The following CSMD1 variants were observed in gnomAD, a reference collection of about 807,000 sequenced individuals.
CSMD1 encodes the protein CUB and Sushi multiple domains 1.
A neutral mutation model predicts 417.5 loss-of-function variants in CSMD1; 213 were observed. The ratio of observed to expected loss-of-function variants is 0.51; its 90% CI spans 0.46 to 0.57. The LOEUF (loss-of-function observed/expected upper bound fraction) is 0.57, where lower values mean the gene tolerates loss of function less well. Ranked by LOEUF, CSMD1 falls within the 20% of genes least tolerant of loss-of-function variation. CSMD1 has a pLI of 0.00. For synonymous variants in CSMD1, 2,862 were observed against 1,736.8 expected, an observed-to-expected ratio of 1.65 and a Z score of -16.11; for missense variants, 6,923 against 4,529.7, an observed-to-expected ratio of 1.53 and a Z score of -15.17.
chr8:4,307,610 T>C (rs1434564303), intron 3 of CSMD1, among the ~76,000 whole-genome samples: 2 of 152,150 alleles, frequency 1.3e-5, no homozygotes, highest in African/African-American at 2.4e-5. Flanking sequence ...ACCCAACTTG[T>C]GAAATAAGCA....
chr8:3,735,727 G>C (rs1291429240), intron 6 of CSMD1, among the ~76,000 whole-genome samples: 1 of 152,154 alleles, frequency 6.6e-6, no homozygotes, highest in South Asian at 2.1e-4. Context: ...AACTCGTTTG[G>C]AGCAAGGCCT....
intron 50 of CSMD1, among the ~76,000 whole-genome samples, chr8:3,037,475 C>A (rs936060658): frequency 1.3e-5 from 2 of 152,064 alleles, no homozygotes; most frequent in African/African-American, 4.8e-5. Context: ...CCCTATACCG[C>A]ACTTTCTTTA....
intron 52 of CSMD1, among the ~76,000 whole-genome samples, chr8:3,009,261 C>T (rs548653818): frequency 5.3e-5 from 8 of 152,222 alleles, no homozygotes; most frequent in Non-Finnish European, 8.8e-5. Context: ...AATATTGGTC[C>T]GGGGATTAGA....
At chr8:4,566,322 A>T (rs73184939) in intron 2 of CSMD1, among the ~76,000 whole-genome samples, 13,620 of 152,212 alleles carry the variant, frequency 0.089, 707 homozygotes, top group South Asian at 0.13. Flanking sequence ...TTGGCTCATT[A>T]TTAAATGTAT....
intron 3 of CSMD1, among the ~76,000 whole-genome samples, chr8:4,237,383 A>T (rs567031090): frequency 3.1e-4 from 47 of 152,110 alleles, no homozygotes; most frequent in Non-Finnish European, 6.3e-4. Context: ...TTCCGTTTAT[A>T]TAAAATGAGG....
At chr8:4,270,817 G>A (rs556785431) in intron 3 of CSMD1, among the ~76,000 whole-genome samples, 4 of 152,060 alleles carry the variant, frequency 2.6e-5, no homozygotes, top group Non-Finnish European at 4.4e-5. Context: ...GTTCCCTGCC[G>A]CCCACCACAC....
intron 10 of CSMD1, among the ~76,000 whole-genome samples, chr8:3,513,135 T>TC (rs1797147872): frequency 2.0e-5 from 3 of 151,834 alleles, no homozygotes; most frequent in Admixed American, 6.6e-5. Flanking sequence ...TTATTTTTTT[T>TC]TATATGCCTT....
chr8:4,451,781 G>A (rs1799161556), intron 2 of CSMD1, among the ~76,000 whole-genome samples: 2 of 151,964 alleles, frequency 1.3e-5, no homozygotes, highest in African/African-American at 2.4e-5. Flanking sequence ...TAGTATTTGA[G>A]CAGGATCCAC....
chr8:4,599,155 G>A lies in CSMD1; in HGVS notation c.302+38187C>T, dbSNP rs968871774. On this transcript the variant is annotated intron_variant, in intron 2 of 69. Transcript: ENST00000635120. ...AAGGTATTAAAAAATCCAACGTACT[G>A]TATCTGTAGGGAGAACTTAAAACTT... Among the ~76,000 whole-genome samples, 11 of 152,252 alleles carry A rather than the reference G, an allele frequency of 7.2e-5. No homozygotes were observed. The East Asian group carries it at 1.9e-3, about 27-fold the overall frequency.
chr8:2,952,093 C>T (rs1802677515), intron 65 of CSMD1, among the ~76,000 whole-genome samples: 1 of 152,176 alleles, frequency 6.6e-6, no homozygotes, highest in East Asian at 1.9e-4. Context: ...TGTATAAAAT[C>T]CTGCCATTTT....
At chr8:4,202,941 TC>T (rs750777776) in intron 3 of CSMD1, among the ~76,000 whole-genome samples, 9 of 152,128 alleles carry the variant, frequency 5.9e-5, no homozygotes, top group Non-Finnish European at 1.3e-4. Flanking sequence ...TGGCCTTATC[TC>T]TTTTTGCAGT....
At chr8:4,201,756 T>C (rs1232842327) in intron 3 of CSMD1, among the ~76,000 whole-genome samples, 1 of 152,020 alleles carries the variant, frequency 6.6e-6, no homozygotes, top group Non-Finnish European at 1.5e-5. Flanking sequence ...ACATGGACTC[T>C]TGAGAGTCTA....
chr8:4,844,132 C>A (rs1031474861), intron 1 of CSMD1, among the ~76,000 whole-genome samples: 1 of 152,080 alleles, frequency 6.6e-6, no homozygotes, highest in African/African-American at 2.4e-5. Context: ...TTTTGATTTA[C>A]AAATCATATT....
intron 52 of CSMD1, among the ~76,000 whole-genome samples, chr8:3,007,845 G>C (rs1432670439): frequency 6.6e-6 from 1 of 151,198 alleles, no homozygotes; most frequent in Admixed American, 6.6e-5. Context: ...TGGGTGCAGT[G>C]CACCAGCATG....
chr8:3,270,304 C>T (rs1202165997), intron 26 of CSMD1, among the ~76,000 whole-genome samples: 1 of 152,094 alleles, frequency 6.6e-6, no homozygotes, highest in African/African-American at 2.4e-5. Context: ...GATCCGTCTG[C>T]CTTGGCCTCC....
intron 3 of CSMD1, among the ~76,000 whole-genome samples, chr8:4,130,645 G>C (rs901755443): frequency 1.3e-5 from 2 of 152,078 alleles, no homozygotes; most frequent in Non-Finnish European, 2.9e-5. Flanking sequence ...GTGAACTTGT[G>C]ACTTTGAAGT....
chr8:3,630,551 C>G (rs183016459), intron 7 of CSMD1, among the ~76,000 whole-genome samples: 2 of 152,214 alleles, frequency 1.3e-5, no homozygotes, highest in East Asian at 3.9e-4. Flanking sequence ...CAGGCAAAGC[C>G]AATTAGAGGA....
chr8:4,488,007 A>T (rs1012065881), intron 2 of CSMD1, among the ~76,000 whole-genome samples: 23 of 152,170 alleles, frequency 1.5e-4, no homozygotes, highest in Non-Finnish European at 2.8e-4. Context: ...TGCTATTATG[A>T]GATGGGGCTT....
intron 1 of CSMD1, among the ~76,000 whole-genome samples, chr8:4,906,014 A>T (rs549119112): frequency 6.6e-6 from 1 of 152,226 alleles, no homozygotes; most frequent in East Asian, 1.9e-4. Context: ...GTCTGATCCG[A>T]TAAATTAAAA....
Sources: allele counts gnomAD v4.1 joint callset (sites outside exome capture counted in the v4.1 genomes callset), GRCh38; gene constraint gnomAD v4.1.1; transcripts MANE v1.5; gene names NCBI Gene and HGNC (gene_info 2026-07-23, HGNC 2026-07-21).